GTF3C5: variants seen among roughly 807,000 people sequenced by gnomAD.
GTF3C5 encodes general transcription factor 3C polypeptide 5.
Under a neutral mutation model 61.0 loss-of-function variants are expected in GTF3C5, and 47 were observed. That is an observed-to-expected ratio of 0.77 (90% CI 0.61 to 0.98). The LOEUF is 0.98. GTF3C5 is among the 50% of genes least tolerant of loss of function. The pLI is 0.00. For synonymous variants in GTF3C5, 295 were observed against 275.4 expected, an observed-to-expected ratio of 1.07 and a Z score of -0.71; for missense variants, 659 against 703.3, an observed-to-expected ratio of 0.94 and a Z score of 0.71.
At chr9:133,038,988 C>T (rs80298615) in intron 1 of GTF3C5, among the ~76,000 whole-genome samples, 2,169 of 152,304 alleles carry the variant, frequency 0.014, 52 homozygotes, top group African/African-American at 0.047. Context: ...TTCTCTGCCA[C>T]GTACGGCTCT....
intron 1 of GTF3C5, among the ~76,000 whole-genome samples, chr9:133,035,601 C>T (rs1849840936): frequency 6.6e-6 from 1 of 152,148 alleles, no homozygotes; most frequent in Admixed American, 6.5e-5. Flanking sequence ...CTTCAGAATT[C>T]TCTTTGGCCC....
In GTF3C5 at chr9:133,043,861, C is replaced by G; in HGVS notation, c.507C>G (p.Pro169=). 6.2e-7 allele frequency: 1 copy of G among 1,614,124 alleles called. No homozygotes were observed. Among genetic ancestry groups the G allele is most frequent in the Non-Finnish European group, 8.5e-7 (1 of 1,179,972 alleles). The change falls in exon 3 of 11, where the codon CCC becomes CCG. Residue 169 remains proline (P), a synonymous_variant. Transcript: ENST00000372097. ...ACCAGGAGCTGCCGCTCTACATCCC[C>G]CCACCCATCTTCTCCCGGCTGGACG... The part of the protein sequence containing the change: ...FFHQELPLYI[P]PPIFSRLDAP...
Position 133,043,944 on chromosome 9 carries a change from G to A in GTF3C5, c.572+18G>A, listed in dbSNP as rs1850121200. 6.3e-7 allele frequency: 1 copy of A among 1,589,164 alleles called. No homozygotes were observed. The highest frequency in any genetic ancestry group is 8.6e-7 in the Non-Finnish European group (1 of 1,158,448). ...CAGCACCGGTAAGGCCCCCCTCCAT[G>A]CAGCCTCGGTTCTCTATCCTGAAAA... On this transcript the variant is annotated intron_variant, in intron 3 of 10. Coordinates refer to ENST00000372097, the MANE Select transcript of GTF3C5 (RefSeq NM_012087.4).
At chr9:133,055,615 TC>T in intron 8 of GTF3C5, 1 of 985,368 alleles carries the variant, frequency 1.0e-6, no homozygotes, top group South Asian at 4.7e-5. Flanking sequence ...AGAAAAGATG[TC>T]AGGGCAGCCC....
In GTF3C5 at chr9:133,050,893, A is replaced by G. The variant is rs1850351258; in HGVS notation, c.683A>G (p.Lys228Arg). The G allele has an allele frequency of 6.2e-7, 1 of 1,613,530 alleles. No individual in the cohort carries two copies. The change falls in exon 4 of 11, where the codon AAG (lysine) becomes AGG (arginine). Residue 228 changes from lysine to arginine, a missense_variant. Lys to Arg is a conservative substitution (Grantham distance 26, BLOSUM62 2). Transcript: ENST00000372097. ...FVNFEDEEVP[K>R]QPLEAAAQTW... is the part of the protein sequence containing the mutation. ...AACTTTGAGGATGAGGAGGTGCCCA[A>G]GCAGCCACTGGAGGCTGCAGCCCAG...
chr9:133,049,634 G>C (rs574972080), intron 3 of GTF3C5, among the ~76,000 whole-genome samples: 3 of 152,258 alleles, frequency 2.0e-5, no homozygotes, highest in African/African-American at 7.2e-5. Context: ...ACACTGGCCT[G>C]CCTGCTTTTG....
intron 10 of GTF3C5, 97 bp from the exon 11 acceptor site, chr9:133,057,717 T>G: frequency 7.8e-6 from 9 of 1,150,198 alleles, no homozygotes; most frequent in Non-Finnish European, 9.7e-6. Context: ...CTCGGACCCT[T>G]ATAGTAGTAA....
intron 1 of GTF3C5, among the ~76,000 whole-genome samples, chr9:133,039,340 A>T (rs146053335): frequency 1.1e-4 from 17 of 152,208 alleles, no homozygotes; most frequent in African/African-American, 4.1e-4. Flanking sequence ...CGTCCTCTTG[A>T]CCCTAAGACT....
chr9:133,030,770 T>C, upstream of GTF3C5: 1 of 613,894 alleles, frequency 1.6e-6, no homozygotes, highest in Non-Finnish European at 3.0e-6. Flanking sequence ...CCCCGCCCGG[T>C]GGACTAACTC....
chr9:133,055,295 A>G (rs950566779), intron 8 of GTF3C5: 2 of 1,404,014 alleles, frequency 1.4e-6, no homozygotes, highest in Non-Finnish European at 9.4e-7. Context: ...AAGCCGCTCC[A>G]CAGCCCTGGG....
At chr9:133,031,547 T>G (rs1422412602) in intron 1 of GTF3C5, among the ~76,000 whole-genome samples, 1 of 152,170 alleles carries the variant, frequency 6.6e-6, no homozygotes, top group African/African-American at 2.4e-5. Flanking sequence ...AGAGGGGGTT[T>G]CACCATGTTG....
At position 133,053,866 on chromosome 9, in the gene GTF3C5, G is replaced by T. The variant is rs777347015; in HGVS notation, c.912G>T (p.Gly304=). The T allele has an allele frequency of 6.2e-7, 1 of 1,613,084 alleles. No homozygotes were observed. The highest frequency in any genetic ancestry group is 1.3e-5 in the African/African-American group (1 of 74,890). Residue 304 remains glycine, a synonymous_variant, in exon 6 of 11, where the codon GGG becomes GGT. Transcript: ENST00000372097. The stretch of plus-strand genomic sequence containing the variant: ...GGCGCAGCCTATGGATTCGATTTGG[G>T]TATGACCCCCGAAAAAACCCAGATG... The part of the protein sequence containing the change: ...GPWRSLWIRF[G]YDPRKNPDAK...
upstream of GTF3C5, chr9:133,030,941 A>C: frequency 6.5e-7 from 1 of 1,538,538 alleles, no homozygotes; most frequent in Non-Finnish European, 9.0e-7. Context: ...TCCTTCGCGG[A>C]ACAATTGAGG....
intron 1 of GTF3C5, among the ~76,000 whole-genome samples, chr9:133,034,591 G>A (rs1388956709): frequency 6.6e-6 from 1 of 152,136 alleles, no homozygotes; most frequent in Non-Finnish European, 1.5e-5. Context: ...TTCACCTGGC[G>A]TGTAGTGTGC....
In GTF3C5 at chr9:133,056,049, C is replaced by A. The variant is rs1173404277; in HGVS notation, c.1205C>A (p.Pro402His). The stretch of plus-strand genomic sequence containing the variant: ...ATCTTCCGGGAAGGGGCCTTGCCAC[C>A]CTATCGGCAGATGTTCTACCAGTTA... ...VYIFREGALP[P>H]YRQMFYQLCD... Residue 402 changes from proline (P) to histidine (H), a missense_variant, in exon 9 of 11, where the codon CCC (proline) becomes CAC (histidine). Transcript: ENST00000372097. The A allele has an allele frequency of 1.9e-6, 3 of 1,614,004 alleles. No homozygotes were observed. Among genetic ancestry groups the A allele is most frequent in the Non-Finnish European group, 2.5e-6 (3 of 1,179,980 alleles).
intron 3 of GTF3C5, among the ~76,000 whole-genome samples, chr9:133,048,717 A>G (rs937235455): frequency 3.3e-5 from 5 of 152,158 alleles, no homozygotes; most frequent in African/African-American, 1.2e-4. Context: ...CTGGCACTAG[A>G]TGGCAGCAGC....
intron 1 of GTF3C5, among the ~76,000 whole-genome samples, chr9:133,039,394 C>T (rs1483249582): frequency 6.6e-6 from 1 of 152,102 alleles, no homozygotes; most frequent in Non-Finnish European, 1.5e-5. Flanking sequence ...CACTTCTGTA[C>T]TTCTTTATTT....
At chr9:133,057,352 C>T (rs568229015) in intron 10 of GTF3C5, among the ~76,000 whole-genome samples, 85 of 152,344 alleles carry the variant, frequency 5.6e-4, no homozygotes, top group South Asian at 1.0e-3. Flanking sequence ...GGGGCAACAC[C>T]TGCCAGGCTG....
At position 133,050,897 on chromosome 9, in the gene GTF3C5, G is replaced by A; in HGVS notation, c.687G>A (p.Gln229=). The A allele has an allele frequency of 6.2e-7, 1 of 1,613,822 alleles. No individual in the cohort carries two copies. The highest frequency in any genetic ancestry group is 2.2e-5 in the East Asian group (1 of 44,832). Residue 229 remains glutamine, a synonymous_variant, in exon 4 of 11, where the codon CAG becomes CAA. Transcript: ENST00000372097. ...VNFEDEEVPK[Q]PLEAAAQTWR... ...TTGAGGATGAGGAGGTGCCCAAGCAGCCACTGGAGGCTGCAGCCCAGACGT... is the reference window on the plus strand; with the variant it reads ...TTGAGGATGAGGAGGTGCCCAAGCAACCACTGGAGGCTGCAGCCCAGACGT...
Sources: allele counts gnomAD v4.1 joint callset (sites outside exome capture counted in the v4.1 genomes callset), GRCh38; gene constraint gnomAD v4.1.1; transcripts MANE v1.5; gene names NCBI Gene and HGNC (gene_info 2026-07-23, HGNC 2026-07-21).